NAV1: variants seen among roughly 807,000 people sequenced by gnomAD.
NAV1 encodes pore membrane and/or filament interacting like protein 3.
NAV1 carries 18 observed loss-of-function variants against 175.2 expected under a neutral mutation model. That is an observed-to-expected ratio of 0.10 (90% CI 0.07 to 0.15). The LOEUF (loss-of-function observed/expected upper bound fraction) is 0.15. Ranked by LOEUF, NAV1 falls within the 10% of genes least tolerant of loss-of-function variation. The pLI is 1.00. For missense variants in NAV1, 1,731 were observed against 2,436.6 expected, an observed-to-expected ratio of 0.71 and a Z score of 6.10; for synonymous variants, 897 against 978.7, an observed-to-expected ratio of 0.92 and a Z score of 1.56.
intron 2 of NAV1, among the ~76,000 whole-genome samples, chr1:201,592,291 CA>C (rs1206241286): frequency 7.9e-5 from 12 of 152,236 alleles, no homozygotes; most frequent in Non-Finnish European, 1.5e-4. Context: ...AATCCTGAAG[CA>C]GAGAGGGAAA....
intron 2 of NAV1, among the ~76,000 whole-genome samples, chr1:201,713,450 T>C (rs1348496368): frequency 6.6e-6 from 1 of 152,194 alleles, no homozygotes; most frequent in Non-Finnish European, 1.5e-5. Context: ...CCCAGCTCCA[T>C]GCCCTGTTAG....
chr1:201,804,578 C>G (rs1446233085), intron 17 of NAV1, 81 bp downstream of exon 21: 9 of 814,118 alleles, frequency 1.1e-5, no homozygotes, highest in Non-Finnish European at 1.6e-5. Flanking sequence ...CTCCCTTCCC[C>G]TAAAAAAAAA....
At chr1:201,748,028 C>G (rs577393184) in intron 3 of NAV1, among the ~76,000 whole-genome samples, 3 of 152,286 alleles carry the variant, frequency 2.0e-5, no homozygotes, top group African/African-American at 7.2e-5. Context: ...TTGAGCTGAC[C>G]CTGGGGAAGA....
At chr1:201,672,807 G>A (rs1052148976) in intron 1 of NAV1, among the ~76,000 whole-genome samples, 1 of 152,198 alleles carries the variant, frequency 6.6e-6, no homozygotes, top group Non-Finnish European at 1.5e-5. Flanking sequence ...AGGCAAGCTT[G>A]GTTTGCATGT....
rs180799349 is a variant in NAV1 at position 201,749,539 on chromosome 1, C to A, written c.1226+30784C>A. Among the ~76,000 whole-genome samples the A allele has an allele frequency of 1.8e-4, 27 of 152,346 alleles. No individual in the cohort carries two copies. The East Asian group carries it at 5.0e-3, about 28-fold the overall frequency. On this transcript the variant is annotated intron_variant, in intron 3 of 29. Coordinates refer to ENST00000367296, the Ensembl canonical transcript of NAV1. Reference sequence around the variant, plus strand: ...ATGTGCCTGCATCCTTCTGCTCCACCAATCAAGTTGAATGCTTTCCTAGAA... The same window carrying A: ...ATGTGCCTGCATCCTTCTGCTCCACAAATCAAGTTGAATGCTTTCCTAGAA...
At chr1:201,626,985 T>G (rs537015107) in intron 1 of NAV1, among the ~76,000 whole-genome samples, 40 of 152,364 alleles carry the variant, frequency 2.6e-4, no homozygotes, top group African/African-American at 8.2e-4. Flanking sequence ...CCTCAATGTT[T>G]CTGCCATTGG....
At chr1:201,582,300 A>G (rs1188720906) in intron 1 of NAV1, among the ~76,000 whole-genome samples, 1 of 152,166 alleles carries the variant, frequency 6.6e-6, no homozygotes, top group Non-Finnish European at 1.5e-5. Flanking sequence ...TGAGAGAGAG[A>G]AGAGCTGACG....
intron 3 of NAV1, among the ~76,000 whole-genome samples, chr1:201,778,906 T>G (rs1474390251): frequency 6.6e-6 from 1 of 152,242 alleles, no homozygotes; most frequent in Non-Finnish European, 1.5e-5. Context: ...CAAAAAAATC[T>G]TCAGCCTTTT....
intron 3 of NAV1, among the ~76,000 whole-genome samples, chr1:201,776,852 C>G (rs565420354): frequency 6.7e-6 from 1 of 149,218 alleles, no homozygotes; most frequent in Admixed American, 6.7e-5. Context: ...GGTAAAGTAC[C>G]CAATACGATG....
intron 15 of NAV1, chr1:201,797,288 A>ACATATATGAGTTTCATT (rs1419232723): frequency 6.6e-6 from 1 of 152,220 alleles, no homozygotes; most frequent in African/African-American, 2.4e-5. Context: ...AATTGACTAT[A>ACATATATGAGTTTCATT]CATATATGAG....
intron 1 of NAV1, among the ~76,000 whole-genome samples, chr1:201,564,159 A>AAGGCAGGC (rs934292327): frequency 6.6e-6 from 1 of 150,386 alleles, no homozygotes; most frequent in Non-Finnish European, 1.5e-5. Context: ...GGAAGGAAGG[A>AAGGCAGGC]AGGCAGGCAG....
intron 1 of NAV1, among the ~76,000 whole-genome samples, chr1:201,583,181 T>A (rs930399132): frequency 6.6e-6 from 1 of 152,268 alleles, no homozygotes; most frequent in Non-Finnish European, 1.5e-5. Context: ...CCTCCCTGCC[T>A]GGCTGATTTC....
At chr1:201,811,475 C>G in intron 24 of NAV1, 128 bp from the exon 29 acceptor site, 2 of 1,127,098 alleles carry the variant, frequency 1.8e-6, no homozygotes, top group South Asian at 2.9e-5. Context: ...CTGCTGTAAT[C>G]AAATTTGCAA....
chr1:201,797,644 G>GGATTT (rs1677543392), intron 15 of NAV1: 1 of 152,174 alleles, frequency 6.6e-6, no homozygotes, highest in African/African-American at 2.4e-5. Context: ...GAACAGGCAT[G>GGATTT]CCTTTATCTA....
intron 1 of NAV1, among the ~76,000 whole-genome samples, chr1:201,667,816 G>A (rs1669886453): frequency 6.6e-6 from 1 of 152,206 alleles, no homozygotes; most frequent in South Asian, 2.1e-4. Flanking sequence ...TGAAACCTGA[G>A]GGGTGGTCAG....
At chr1:201,604,453 T>C (rs1464814429) in intron 2 of NAV1, among the ~76,000 whole-genome samples, 1 of 152,072 alleles carries the variant, frequency 6.6e-6, no homozygotes, top group Non-Finnish European at 1.5e-5. Context: ...CCGAGGTGGA[T>C]AGTAGATCAT....
chr1:201,565,931 C>T (rs151121740), intron 1 of NAV1, among the ~76,000 whole-genome samples: 65 of 152,306 alleles, frequency 4.3e-4, no homozygotes, highest in Middle Eastern at 3.4e-3. Context: ...TGCCCTTCAG[C>T]GCCTCCCTCT....
At chr1:201,793,993 T>C in intron 14 of NAV1, 118 bp downstream of exon 18, 1 of 823,854 alleles carries the variant, frequency 1.2e-6, no homozygotes, top group Non-Finnish European at 2.0e-6. Flanking sequence ...CCCACCTCAC[T>C]GTCACCCTGG....
chr1:201,739,007 C>T (rs1456078863), intron 3 of NAV1, among the ~76,000 whole-genome samples: 1 of 152,152 alleles, frequency 6.6e-6, no homozygotes, highest in Non-Finnish European at 1.5e-5. Context: ...TAATTCCCCC[C>T]ACAGGGCTCC....
Sources: allele counts gnomAD v4.1 joint callset (sites outside exome capture counted in the v4.1 genomes callset), GRCh38; gene constraint gnomAD v4.1.1; transcripts MANE v1.5; gene names NCBI Gene and HGNC (gene_info 2026-07-23, HGNC 2026-07-21).